Variants in CHST11 observed in about 807,000 individuals in gnomAD.
The protein encoded by CHST11 is C4S-1.
In CHST11, 9 loss-of-function variants were observed where a neutral mutation model predicts 30.4. The observed-to-expected ratio is 0.30, with a 90% confidence interval of 0.18 to 0.52. The LOEUF (loss-of-function observed/expected upper bound fraction) is 0.52. Among genes scored for constraint, CHST11 ranks in the 20% least tolerant of loss-of-function variants. The pLI is 0.97. For missense variants in CHST11, 348 were observed against 460.6 expected, an observed-to-expected ratio of 0.76 and a Z score of 2.24; for synonymous variants, 152 against 187.8, an observed-to-expected ratio of 0.81 and a Z score of 1.56.
chr12:104,684,091 C>T (rs1459974615), intron 2 of CHST11, among the ~76,000 whole-genome samples: 4 of 152,166 alleles, frequency 2.6e-5, no homozygotes, highest in South Asian at 4.1e-4. Flanking sequence ...GAACTAGCAG[C>T]GGGGCAGAGC....
At chr12:104,612,442 G>A (rs1195969341) in intron 2 of CHST11, among the ~76,000 whole-genome samples, 1 of 152,154 alleles carries the variant, frequency 6.6e-6, no homozygotes, top group African/African-American at 2.4e-5. Flanking sequence ...ATTTCCCCTT[G>A]TTATAAGGAC....
At position 104,697,531 on chromosome 12, in the gene CHST11, A is replaced by G. The variant is rs568864002; in HGVS notation, c.205-59418A>G. On this transcript the variant is annotated intron_variant, in intron 2 of 2. Coordinates refer to ENST00000303694, the MANE Select transcript of CHST11 (RefSeq NM_018413.6). ...GCTTTCCTGGTTCTCCAGCTTGCCA[A>G]TGACATATCATGGGACTTCACAGCC... 3.3e-5 allele frequency among the ~76,000 whole-genome samples: 5 copies of G among 152,246 alleles called. No homozygotes were observed. The South Asian group carries it at 8.3e-4, about 25-fold the overall frequency.
chr12:104,597,662 A>AC lies in CHST11; in HGVS notation c.119-4241dup, dbSNP rs1047140740. 2.0e-5 allele frequency among the ~76,000 whole-genome samples: 3 copies of AC among 152,176 alleles called. No individual in the cohort carries two copies. The East Asian group carries it at 5.8e-4, about 29-fold the overall frequency. On this transcript the variant is annotated intron_variant, in intron 1 of 2. Coordinates refer to ENST00000303694, the MANE Select transcript of CHST11 (RefSeq NM_018413.6). Reference sequence around the variant, plus strand: ...GGTTAGAGAGAGGCTCTATCCCCAAACCCAGTGCCTGGCGAGTTGCCCTGC... The same window carrying AC: ...GGTTAGAGAGAGGCTCTATCCCCAAACCCCAGTGCCTGGCGAGTTGCCCTGC...
chr12:104,513,975 G>A lies in CHST11; in HGVS notation c.118+56446G>A, dbSNP rs115196310. The A allele has an allele frequency of 3.0e-3, 1,976 of 657,310 alleles. 29 individuals carry two copies. In the African/African-American group the frequency reaches 0.031, roughly 10 times the overall value. The allele number at this position is 657,310 out of a possible 1,614,324, so 40.7% of individuals were successfully genotyped here. On this transcript the variant is annotated intron_variant, in intron 1 of 2. Transcript: ENST00000303694. ...AAAGAAGAGAGGGTTAGAGCTGGGC[G>A]AGTGCTGTGGGCTTAGCAGGGGCTG...
intron 1 of CHST11, among the ~76,000 whole-genome samples, chr12:104,498,411 C>T (rs115153512): frequency 0.013 from 1,942 of 152,226 alleles, 39 homozygotes; most frequent in African/African-American, 0.044. Flanking sequence ...CCAATCATGA[C>T]TGGGGAATAG....
At chr12:104,671,401 G>A (rs1038600124) in intron 2 of CHST11, among the ~76,000 whole-genome samples, 3 of 152,164 alleles carry the variant, frequency 2.0e-5, no homozygotes, top group Admixed American at 1.3e-4. Context: ...CTGATTCTTA[G>A]GGTTGTTAAG....
chr12:104,645,794 C>G (rs1348543610), intron 2 of CHST11, among the ~76,000 whole-genome samples: 2 of 152,142 alleles, frequency 1.3e-5, no homozygotes, highest in Non-Finnish European at 2.9e-5. Flanking sequence ...ACAACAGCAC[C>G]AAATAAGATG....
chr12:104,500,481 ACTT>A (rs1003457758), intron 1 of CHST11, among the ~76,000 whole-genome samples: 13 of 152,302 alleles, frequency 8.5e-5, no homozygotes, highest in Non-Finnish European at 1.6e-4. Context: ...TGAACTTCTG[ACTT>A]CTTCTACCCT....
Position 104,757,874 on chromosome 12 carries a change from A to C in CHST11, c.*71A>C, listed in dbSNP as rs1253817295. ...TTTATTTGTCAAAAGAATTATATGG[A>C]TATTGGGTTATTTTGTAAATTAATA... On this transcript the variant is annotated 3_prime_UTR_variant, in exon 3 of 3. Coordinates refer to ENST00000303694, the MANE Select transcript of CHST11 (RefSeq NM_018413.6). This position sits in a 1 kb window ranked among gnomAD's most constrained non-coding sequence, Gnocchi z 6.5. 2.2e-6 allele frequency: 3 copies of C among 1,386,450 alleles called. No homozygotes were observed. Among genetic ancestry groups the C allele is most frequent in the Non-Finnish European group, 2.9e-6 (3 of 1,019,798 alleles). The allele number at this position is 1,386,450 out of a possible 1,614,324, so 85.9% of individuals were successfully genotyped here. A position where few individuals can be genotyped will look rare whatever the true frequency, so the allele number is the denominator to read the frequency against.
chr12:104,696,590 G>A (rs889939886), intron 2 of CHST11, among the ~76,000 whole-genome samples: 4 of 151,420 alleles, frequency 2.6e-5, no homozygotes, highest in Admixed American at 1.3e-4. Flanking sequence ...TGCTTGAACC[G>A]GGAAGGCAGA....
chr12:104,544,803 T>G (rs1290332887), intron 1 of CHST11, among the ~76,000 whole-genome samples: 1 of 122,428 alleles, frequency 8.2e-6, no homozygotes, highest in Non-Finnish European at 1.7e-5. Context: ...TTTGGTGCTT[T>G]CTTTTTGATT....
At chr12:104,713,596 A>T (rs2040105479) in intron 2 of CHST11, among the ~76,000 whole-genome samples, 1 of 152,188 alleles carries the variant, frequency 6.6e-6, no homozygotes, top group South Asian at 2.1e-4. Context: ...AGGAGCCGAT[A>T]CCTGGCTCTG....
chr12:104,647,376 TC>T (rs1422613555), intron 2 of CHST11, among the ~76,000 whole-genome samples: 1 of 152,164 alleles, frequency 6.6e-6, no homozygotes, highest in Non-Finnish European at 1.5e-5. Flanking sequence ...TGCCAGGAAA[TC>T]TATTTTTTTA....
intron 1 of CHST11, among the ~76,000 whole-genome samples, chr12:104,497,942 A>G: frequency 8.8e-6 from 1 of 113,446 alleles, no homozygotes; most frequent in African/African-American, 3.4e-5. Context: ...TTTGAGACAG[A>G]GTCTCACTCT....
chr12:104,529,648 G>A (rs2038161222), intron 1 of CHST11, among the ~76,000 whole-genome samples: 1 of 152,090 alleles, frequency 6.6e-6, no homozygotes, highest in African/African-American at 2.4e-5. Flanking sequence ...TCATCTCCTG[G>A]TCCAAGGTGG....
rs7967077 is a variant in CHST11 at position 104,464,484 on chromosome 12, C to T, written c.118+6955C>T. Among the ~76,000 whole-genome samples, 1,435 of 152,180 alleles carry T rather than the reference C, an allele frequency of 9.4e-3. 19 individuals are homozygous for T. The highest frequency in any genetic ancestry group is 0.033 in the African/African-American group (1,370 of 41,510). ...CCCCCTTGACCCCCAACTAGACCAT[C>T]TCCTTTTTCAATTTTTTAAAATTTA... On this transcript the variant is annotated intron_variant, in intron 1 of 2. Transcript: ENST00000303694.
chr12:104,476,149 TA>T (rs2037559443), intron 1 of CHST11, among the ~76,000 whole-genome samples: 1 of 138,580 alleles, frequency 7.2e-6, no homozygotes, highest in Non-Finnish European at 1.6e-5. Flanking sequence ...TATATTATAA[TA>T]AATATATAAA....
intron 2 of CHST11, among the ~76,000 whole-genome samples, chr12:104,691,767 C>T (rs2039898678): frequency 6.6e-6 from 1 of 152,202 alleles, no homozygotes; most frequent in African/African-American, 2.4e-5. Flanking sequence ...GGATTATGGG[C>T]GTGAGCCACC....
At chr12:104,724,589 C>T (rs149646720) in intron 2 of CHST11, among the ~76,000 whole-genome samples, 10 of 152,100 alleles carry the variant, frequency 6.6e-5, no homozygotes, top group South Asian at 6.2e-4. Context: ...GCCAGGGTCC[C>T]GGGAGGCAAA....
Sources: allele counts gnomAD v4.1 joint callset (sites outside exome capture counted in the v4.1 genomes callset), GRCh38; gene constraint gnomAD v4.1.1; non-coding constraint Gnocchi (gnomAD v3.1); transcripts MANE v1.5; gene names NCBI Gene and HGNC (gene_info 2026-07-23, HGNC 2026-07-21).